The following FER variants were observed in gnomAD, a reference collection of about 807,000 sequenced individuals.
The protein encoded by FER is FER tyrosine kinase, also known as tyrosine-protein kinase Fer.
A neutral mutation model predicts 111.0 loss-of-function variants in FER; 63 were observed. The observed-to-expected ratio is 0.57, with a 90% CI of 0.46 to 0.70. FER has a LOEUF of 0.70. FER is among the 30% of genes least tolerant of loss of function. The pLI, the probability that FER is intolerant of heterozygous loss-of-function variation, is 0.00. For synonymous variants in FER, 327 were observed against 313.9 expected (o/e 1.04, Z -0.44); for missense variants, 914 against 954.0 (o/e 0.96, Z 0.55).
chr5:108,995,330 A>G (rs779904841), intron 13 of FER, among the ~76,000 whole-genome samples: 1 of 151,970 alleles, frequency 6.6e-6, no homozygotes, highest in Non-Finnish European at 1.5e-5. Context: ...GGTTTGTTAC[A>G]TAGGTATACA....
At chr5:109,029,531 C>G (rs1355011333) in intron 13 of FER, among the ~76,000 whole-genome samples, 1 of 149,480 alleles carries the variant, frequency 6.7e-6, no homozygotes, top group Non-Finnish European at 1.5e-5. Context: ...CTCGGCTTCC[C>G]AAAGTGCTAG....
At chr5:109,113,284 T>A (rs1032553984) in intron 17 of FER, among the ~76,000 whole-genome samples, 1 of 152,144 alleles carries the variant, frequency 6.6e-6, no homozygotes, top group African/African-American at 2.4e-5. Context: ...TACATATCTA[T>A]GACTTGAGGA....
At chr5:109,012,278 A>G (rs1766379987) in intron 13 of FER, among the ~76,000 whole-genome samples, 2 of 152,136 alleles carry the variant, frequency 1.3e-5, no homozygotes, top group South Asian at 4.1e-4. Context: ...GATAAATACA[A>G]CTCAGCCGGT....
chr5:108,882,441 G>A (rs770033956), intron 8 of FER, among the ~76,000 whole-genome samples: 37 of 151,850 alleles, frequency 2.4e-4, no homozygotes, highest in East Asian at 5.8e-4. Context: ...GTGAACTTCC[G>A]TTGTGTTAAG....
At chr5:109,182,658 C>T (rs1296080718) in intron 18 of FER, among the ~76,000 whole-genome samples, 2 of 152,154 alleles carry the variant, frequency 1.3e-5, no homozygotes, top group Admixed American at 1.3e-4. Flanking sequence ...TGTTATATAG[C>T]CTTTAAAAGT....
In FER at chr5:109,193,463, A is replaced by G. The variant is rs1250268764; in HGVS notation, c.*5888A>G. The G allele has an allele frequency of 6.6e-6, 1 of 152,198 alleles. No homozygotes were observed. The highest frequency in any genetic ancestry group is 2.4e-5 in the African/African-American group (1 of 41,444). 9.4% of individuals were successfully genotyped at this position (152,198 alleles called of 1,614,324 possible). On this transcript the variant is annotated 3_prime_UTR_variant, in exon 20 of 20. Coordinates refer to ENST00000281092, the MANE Select transcript of FER (RefSeq NM_005246.4). ...CAAATGAATATTTGGAATTCACTCTAAGAGATACAAATCCTGAATTTCTAA... is the reference window on the plus strand; with the variant it reads ...CAAATGAATATTTGGAATTCACTCTGAGAGATACAAATCCTGAATTTCTAA...
chr5:109,126,116 A>G (rs1277685160), intron 17 of FER, among the ~76,000 whole-genome samples: 2 of 152,114 alleles, frequency 1.3e-5, no homozygotes, highest in Non-Finnish European at 2.9e-5. Flanking sequence ...AATCAGAATT[A>G]TGTGCTTGGA....
chr5:108,749,521 G>A (rs1053732218), intron 1 of FER, among the ~76,000 whole-genome samples: 1 of 152,122 alleles, frequency 6.6e-6, no homozygotes, highest in Non-Finnish European at 1.5e-5. Flanking sequence ...CTCAACCCCT[G>A]GTATTCCCCC....
At chr5:108,881,423 G>T (rs576323040) in intron 8 of FER, among the ~76,000 whole-genome samples, 2 of 152,076 alleles carry the variant, frequency 1.3e-5, no homozygotes, top group African/African-American at 2.4e-5. Flanking sequence ...TGAAAAGAGC[G>T]TGAGAAAGAC....
At chr5:108,914,416 C>T (rs987753195) in intron 10 of FER, among the ~76,000 whole-genome samples, 1 of 152,096 alleles carries the variant, frequency 6.6e-6, no homozygotes, top group Non-Finnish European at 1.5e-5. Flanking sequence ...GACTATGTAC[C>T]TCTTATTCTT....
intron 13 of FER, among the ~76,000 whole-genome samples, chr5:108,988,895 TC>T (rs967978208): frequency 1.1e-4 from 17 of 152,152 alleles, no homozygotes; most frequent in Admixed American, 6.5e-4. Flanking sequence ...CTATTTGTAC[TC>T]TTTCAGACTT....
At chr5:108,765,643 A>C (rs1038847628) in intron 1 of FER, among the ~76,000 whole-genome samples, 40 of 152,310 alleles carry the variant, frequency 2.6e-4, no homozygotes, top group Middle Eastern at 3.4e-3. Context: ...GTCTTTCTTG[A>C]ACTTAGGTCT....
chr5:109,002,599 C>T (rs1764936970), intron 13 of FER, among the ~76,000 whole-genome samples: 1 of 152,074 alleles, frequency 6.6e-6, no homozygotes, highest in Admixed American at 6.6e-5. Context: ...AAAGCAATGG[C>T]AACAAAAGCC....
chr5:108,868,961 A>G (rs1256987061), intron 6 of FER, among the ~76,000 whole-genome samples: 2 of 152,062 alleles, frequency 1.3e-5, no homozygotes, highest in Non-Finnish European at 2.9e-5. Flanking sequence ...AACCCATTTA[A>G]GCCAGAGGTT....
At chr5:108,980,432 A>G (rs2149720086) in intron 13 of FER, among the ~76,000 whole-genome samples, 1 of 152,330 alleles carries the variant, frequency 6.6e-6, no homozygotes, top group Non-Finnish European at 1.5e-5. Flanking sequence ...ATTCATCTAT[A>G]CAGGAGAGCG....
chr5:109,130,169 A>G (rs75114125), intron 17 of FER, among the ~76,000 whole-genome samples: 2,761 of 152,152 alleles, frequency 0.018, 68 homozygotes, highest in African/African-American at 0.063. Context: ...TTAAAAGATG[A>G]TTAGAGATTT....
chr5:109,165,848 C>T (rs1756500418), intron 17 of FER, among the ~76,000 whole-genome samples: 1 of 152,094 alleles, frequency 6.6e-6, no homozygotes, highest in Non-Finnish European at 1.5e-5. Context: ...ACTTATTTGA[C>T]ATAAAGGCAA....
intron 10 of FER, among the ~76,000 whole-genome samples, chr5:108,914,231 CTGTGTGTGTGTG>C (rs35365353): frequency 1.4e-5 from 2 of 141,140 alleles, no homozygotes; most frequent in South Asian, 2.6e-4. Flanking sequence ...ACTTGTCTCT[CTGTGTGTGTGTG>C]TGTGTGTGTG....
At chr5:108,794,036 T>C (rs1755703215) in intron 2 of FER, among the ~76,000 whole-genome samples, 1 of 152,174 alleles carries the variant, frequency 6.6e-6, no homozygotes, top group South Asian at 2.1e-4. Context: ...TTGTCTTTTT[T>C]CTGAAGACCA....
Sources: gnomAD v4.1 joint callset for allele counts (sites outside exome capture counted in the v4.1 genomes callset) on GRCh38, gnomAD v4.1.1 for gene constraint, MANE v1.5 for transcripts, NCBI Gene and HGNC (gene_info 2026-07-23, HGNC 2026-07-21) for gene names.